Variants in TJP2 observed in about 807,000 individuals in gnomAD.
The protein encoded by TJP2 is tight junction protein 2, also known as Friedreich ataxia region gene X104 (tight junction protein ZO-2).
In TJP2, 91 loss-of-function variants were observed where a neutral mutation model predicts 133.1. The observed-to-expected ratio is 0.68, with a 90% confidence interval of 0.58 to 0.81. The LOEUF (loss-of-function observed/expected upper bound fraction) is 0.81, where lower values mean the gene tolerates loss of function less well. Ranked by LOEUF, TJP2 falls within the 40% of genes least tolerant of loss-of-function variation. TJP2 has a pLI of 0.00. For synonymous variants in TJP2, 592 were observed against 583.4 expected (o/e 1.01, Z -0.21); for missense variants, 1,541 against 1,565.6 (o/e 0.98, Z 0.26).
At position 69,216,364 on chromosome 9, in the gene TJP2, CA is replaced by C; in HGVS notation, c.141del (p.Val48CysfsTer95). On this transcript the variant is annotated frameshift_variant, in exon 3 of 23. Transcript: ENST00000377245. LOFTEE classifies it high-confidence loss of function. ...GATTCCAAAAGAGGATTTGGAATTG[CA>C]GTGTCCGGAGGCAGAGACAACCCCC... The part of the protein sequence containing the change: ...QKDSKRGFGI[A>X]VSGGRDNPHF... The C allele has an allele frequency of 6.2e-7, 1 of 1,614,012 alleles. No homozygotes were observed. The highest frequency in any genetic ancestry group is 8.5e-7 in the Non-Finnish European group (1 of 1,179,988).
chr9:69,149,168 A>G (rs1454425680), intron 1 of TJP2, among the ~76,000 whole-genome samples: 2 of 152,230 alleles, frequency 1.3e-5, no homozygotes, highest in Admixed American at 6.5e-5. Context: ...GTTTGTATAC[A>G]TGAAAAAACT....
In TJP2 at chr9:69,148,771, A is replaced by G. The variant is rs73449120; in HGVS notation, c.-130-2880A>G. Among the ~76,000 whole-genome samples, 255 of 152,322 alleles carry G rather than the reference A, an allele frequency of 1.7e-3. 2 individuals are homozygous for G. The highest frequency in any genetic ancestry group is 6.1e-3 in the African/African-American group (252 of 41,564). On this transcript the variant is annotated intron_variant, in intron 1 of 5. Coordinates refer to the TJP2 transcript ENST00000423935. ...GGCCAAAACGAATGGCTACCAACCG[A>G]CAATTGACTGAGTATTGCAAGTTCA...
intron 1 of TJP2, chr9:69,121,814 C>T (rs1822156698): frequency 6.6e-6 from 1 of 152,478 alleles, no homozygotes; most frequent in Admixed American, 6.5e-5. Context: ...AGCCTGTGCC[C>T]AGGCGTCGCC....
chr9:69,220,469 G>C (rs536013663), intron 4 of TJP2, among the ~76,000 whole-genome samples: 8 of 152,280 alleles, frequency 5.3e-5, no homozygotes, highest in Non-Finnish European at 1.2e-4. Flanking sequence ...TCTAACATTA[G>C]GTCTTATTTC....
intron 1 of TJP2, among the ~76,000 whole-genome samples, chr9:69,210,926 CTA>C (rs1424232004): frequency 1.3e-5 from 2 of 152,106 alleles, no homozygotes; most frequent in East Asian, 3.9e-4. Flanking sequence ...TGGGGTCTCA[CTA>C]TGTTGCACAG....
At chr9:69,150,006 C>T (rs1255082842) in intron 1 of TJP2, among the ~76,000 whole-genome samples, 8 of 151,966 alleles carry the variant, frequency 5.3e-5, no homozygotes, top group Admixed American at 3.3e-4. Context: ...AAAAATTAGC[C>T]GGCCGTGGTG....
chr9:69,184,975 C>T (rs1454910480), intron 1 of TJP2, among the ~76,000 whole-genome samples: 1 of 152,080 alleles, frequency 6.6e-6, no homozygotes, highest in African/African-American at 2.4e-5. Context: ...GCCTTGAACT[C>T]CTGGGCTCAG....
intron 2 of TJP2, among the ~76,000 whole-genome samples, chr9:69,215,367 T>C (rs1563918559): frequency 6.7e-6 from 1 of 150,122 alleles, no homozygotes; most frequent in African/African-American, 2.4e-5. Flanking sequence ...AGCAGTCTTT[T>C]CCCGCCCAGC....
rs532160952 is a variant in TJP2 at position 69,213,295 on chromosome 9, TCAGGTGATC to T, written c.114+697_114+705del. Among the ~76,000 whole-genome samples the T allele has an allele frequency of 2.0e-5, 3 of 152,280 alleles. No homozygotes were observed. The East Asian group carries it at 5.8e-4, about 29-fold the overall frequency. On this transcript the variant is annotated intron_variant, in intron 2 of 22. Transcript: ENST00000377245. ...TCAGGCTGGTCTCGAACTCCTGACC[TCAGGTGATC>T]CACCCACCTTGGCCCGCAAAGTGCT...
At position 69,234,475 on chromosome 9, in the gene TJP2, G is replaced by A; in HGVS notation, c.1708G>A (p.Asp570Asn). 2 of 1,596,220 alleles carry A rather than the reference G, an allele frequency of 1.3e-6. No individual in the cohort carries two copies. The highest frequency in any genetic ancestry group is 1.7e-6 in the Non-Finnish European group (2 of 1,171,090). ...GGATTTCAGAGGATTAGTGCGGGAG[G>A]ATGCCGTTCTCTACCTGTTAGAAAT... is the stretch of plus-strand genomic sequence containing the variant. Reference protein sequence around the residue: ...TQDFRGLVREDAVLYLLEIPK... With the variant: ...TQDFRGLVRENAVLYLLEIPK... The change falls in exon 12 of 23, where the codon GAT (aspartate) becomes AAT (asparagine). Residue 570 changes from aspartate to asparagine, a missense_variant. Asp to Asn is a conservative substitution (Grantham distance 23). Transcript: ENST00000377245.
intron 1 of TJP2, among the ~76,000 whole-genome samples, chr9:69,196,789 C>A (rs1826590463): frequency 6.6e-6 from 1 of 152,156 alleles, no homozygotes; most frequent in Non-Finnish European, 1.5e-5. Context: ...TTCCCCCAAA[C>A]TCCCATAGTC....
intron 11 of TJP2, among the ~76,000 whole-genome samples, chr9:69,231,016 G>T (rs953679432): frequency 3.3e-5 from 5 of 152,186 alleles, no homozygotes; most frequent in Admixed American, 1.3e-4. Context: ...GTATGTGTGT[G>T]TGTGTGTGTA....
upstream of TJP2, among the ~76,000 whole-genome samples, chr9:69,169,546 G>A (rs182505126): frequency 3.3e-5 from 5 of 151,938 alleles, no homozygotes; most frequent in Admixed American, 2.6e-4. Context: ...TTTTAGTAGA[G>A]ACGGGGTTTC....
At position 69,160,509 on chromosome 9, in the gene TJP2, G is replaced by A. The variant is rs186929083; in HGVS notation, c.-10+8738G>A. Among the ~76,000 whole-genome samples, 14 of 152,310 alleles carry A rather than the reference G, an allele frequency of 9.2e-5. No homozygotes were observed. The East Asian group carries it at 2.5e-3, about 27-fold the overall frequency. ...GGAATGTGGAAAAGTTTAGCTGGAT[G>A]TAGTCCTGGCCTACCAGCAAGCTCT... On this transcript the variant is annotated intron_variant, in intron 2 of 5. Coordinates refer to the TJP2 transcript ENST00000423935.
intron 1 of TJP2, among the ~76,000 whole-genome samples, chr9:69,206,767 T>C (rs1024109261): frequency 6.6e-6 from 1 of 151,888 alleles, no homozygotes; most frequent in Non-Finnish European, 1.5e-5. Context: ...TTAGTAGAGA[T>C]GGGGTTTAAC....
chr9:69,183,874 A>T (rs1344192118), intron 1 of TJP2, among the ~76,000 whole-genome samples: 1 of 152,208 alleles, frequency 6.6e-6, no homozygotes, highest in Non-Finnish European at 1.5e-5. Flanking sequence ...AGCTGGGATT[A>T]CAGGCATGCG....
intron 19 of TJP2, 59 bp from the exon 20 acceptor site, chr9:69,249,316 A>C: frequency 6.4e-7 from 1 of 1,557,586 alleles, no homozygotes; most frequent in Middle Eastern, 1.7e-4. Flanking sequence ...AAAGCAGTCG[A>C]GTGCTCTGTT....
At chr9:69,172,949 T>C (rs1037400573), upstream of TJP2, among the ~76,000 whole-genome samples, 2 of 152,116 alleles carry the variant, frequency 1.3e-5, no homozygotes, top group Admixed American at 6.5e-5. Context: ...AACCAAAATG[T>C]CTAAGTCCGG....
At chr9:69,219,195 C>G (rs1376169264) in intron 4 of TJP2, among the ~76,000 whole-genome samples, 1 of 152,118 alleles carries the variant, frequency 6.6e-6, no homozygotes, top group Non-Finnish European at 1.5e-5. Context: ...TCCCGAACTC[C>G]CAACTTCAGG....
Sources: allele counts gnomAD v4.1 joint callset (sites outside exome capture counted in the v4.1 genomes callset), GRCh38; gene constraint gnomAD v4.1.1; transcripts MANE v1.5; gene names NCBI Gene and HGNC (gene_info 2026-07-23, HGNC 2026-07-21).